The following CFAP61 variants were observed in gnomAD, a reference collection of about 807,000 sequenced individuals.
CFAP61 encodes the protein cilia and flagella associated protein 61, also known as cilia- and flagella-associated protein 61.
A neutral mutation model predicts 135.6 loss-of-function variants in CFAP61; 107 were observed. The observed-to-expected ratio is 0.79, with a 90% CI of 0.67 to 0.93. The LOEUF (loss-of-function observed/expected upper bound fraction) is 0.93. Among genes scored for constraint, CFAP61 ranks in the 40% least tolerant of loss-of-function variants. The pLI is 0.00. For synonymous variants in CFAP61, 575 were observed against 578.5 expected, an observed-to-expected ratio of 0.99 and a Z score of 0.09; for missense variants, 1,507 against 1,556.2, an observed-to-expected ratio of 0.97 and a Z score of 0.53.
At chr20:20,085,234 A>T in intron 6 of CFAP61, 1 of 985,400 alleles carries the variant, frequency 1.0e-6, no homozygotes, top group Non-Finnish European at 1.2e-6. Flanking sequence ...GGCAGCGCTC[A>T]TTGCCTCAGA....
chr20:20,122,148 T>TTTG (rs150838690), intron 8 of CFAP61, among the ~76,000 whole-genome samples: 14,045 of 149,872 alleles, frequency 0.094, 1,371 homozygotes, highest in East Asian at 0.57. Context: ...GTCATTCTTT[T>TTTG]TTGTTGTTGT....
chr20:20,294,554 T>A (rs983612064), intron 24 of CFAP61, among the ~76,000 whole-genome samples: 1 of 152,192 alleles, frequency 6.6e-6, no homozygotes, highest in Non-Finnish European at 1.5e-5. Context: ...CTCATTTCTG[T>A]AAGGCCCTGT....
intron 7 of CFAP61, among the ~76,000 whole-genome samples, chr20:20,098,362 C>T (rs2047736771): frequency 6.6e-6 from 1 of 152,016 alleles, no homozygotes; most frequent in African/African-American, 2.4e-5. Context: ...GTAATCCCAG[C>T]ACTTTGGGAG....
intron 25 of CFAP61, among the ~76,000 whole-genome samples, chr20:20,302,719 C>T (rs1220874906): frequency 1.3e-5 from 2 of 152,094 alleles, no homozygotes; most frequent in East Asian, 3.9e-4. Flanking sequence ...TTGCCCCATT[C>T]TTAATTTGAA....
chr20:20,148,296 A>G (rs1406454170), intron 9 of CFAP61, among the ~76,000 whole-genome samples: 1 of 152,210 alleles, frequency 6.6e-6, no homozygotes, highest in East Asian at 1.9e-4. Context: ...AAGAATGACG[A>G]TAGTATTTTC....
intron 8 of CFAP61, among the ~76,000 whole-genome samples, chr20:20,112,484 T>C (rs557172725): frequency 1.3e-5 from 2 of 152,290 alleles, no homozygotes; most frequent in African/African-American, 4.8e-5. Flanking sequence ...TCCTAATTAA[T>C]TTTTGATATC....
chr20:20,211,172 G>A (rs1469711343), intron 17 of CFAP61, among the ~76,000 whole-genome samples: 1 of 152,216 alleles, frequency 6.6e-6, no homozygotes, highest in Admixed American at 6.5e-5. Context: ...TGGCATTTGA[G>A]TTCATCAGAG....
chr20:20,226,064 TAGCATATAAAAAAC>T (rs1410335305), intron 17 of CFAP61: 1 of 152,220 alleles, frequency 6.6e-6, no homozygotes, highest in East Asian at 1.9e-4. Context: ...AAGTTTTCAG[TAGCATATAAAAAAC>T]AAACTGGCCT....
At chr20:20,066,642 A>G (rs2045293328) in intron 2 of CFAP61, among the ~76,000 whole-genome samples, 1 of 152,166 alleles carries the variant, frequency 6.6e-6, no homozygotes, top group South Asian at 2.1e-4. Flanking sequence ...ACACATGGAC[A>G]CAGGGAGGGG....
intron 6 of CFAP61, among the ~76,000 whole-genome samples, chr20:20,080,283 A>G (rs1227365942): frequency 6.6e-6 from 1 of 152,080 alleles, no homozygotes; most frequent in Non-Finnish European, 1.5e-5. Context: ...TGTTAATTAT[A>G]TTTTTCACTT....
intron 25 of CFAP61, among the ~76,000 whole-genome samples, chr20:20,339,819 A>G (rs1030278773): frequency 1.3e-5 from 2 of 152,182 alleles, no homozygotes; most frequent in East Asian, 3.8e-4. Flanking sequence ...TCTTCCTAAC[A>G]TTCTTGTATC....
At chr20:20,288,406 A>G (rs2054749791) in intron 22 of CFAP61, among the ~76,000 whole-genome samples, 1 of 152,220 alleles carries the variant, frequency 6.6e-6, no homozygotes, top group Admixed American at 6.5e-5. Flanking sequence ...TGAGTGAATA[A>G]GAGTGACATT....
intron 26 of CFAP61, among the ~76,000 whole-genome samples, chr20:20,345,973 C>A (rs1203889882): frequency 7.5e-6 from 1 of 133,198 alleles, no homozygotes. Flanking sequence ...GCAATCTCGG[C>A]TCACTGCAAG....
chr20:20,331,368 A>G (rs567984354), intron 25 of CFAP61, among the ~76,000 whole-genome samples: 1 of 152,176 alleles, frequency 6.6e-6, no homozygotes. Context: ...AAATCCTAAG[A>G]GTGACAAAAA....
chr20:20,284,141 A>G (rs1015704544), intron 22 of CFAP61, among the ~76,000 whole-genome samples: 2 of 152,110 alleles, frequency 1.3e-5, no homozygotes, highest in Admixed American at 6.5e-5. Context: ...TAGGTCTACC[A>G]TTTTATTATT....
In CFAP61 at chr20:20,289,086, A is replaced by C. The variant is rs139575732; in HGVS notation, c.3124+150A>C. The C allele has an allele frequency of 3.5e-4, 209 of 597,174 alleles. No individual in the cohort carries two copies. The African/African-American group carries it at 3.6e-3, about 10-fold the overall frequency. 37.0% of individuals were successfully genotyped at this position (597,174 alleles called of 1,614,324 possible). A position where few individuals can be genotyped will look rare whatever the true frequency, so the allele number is the denominator to read the frequency against. Reference sequence around the variant, plus strand: ...CACAGAGACAGAGAAAGGGTCTATAATTTCTGAAGCATTTATTACAAACCT... The same window carrying C: ...CACAGAGACAGAGAAAGGGTCTATACTTTCTGAAGCATTTATTACAAACCT... On this transcript the variant is annotated intron_variant, in intron 23 of 26. Transcript: ENST00000245957.
chr20:20,136,357 G>A (rs577501968), intron 8 of CFAP61, among the ~76,000 whole-genome samples: 1 of 152,104 alleles, frequency 6.6e-6, no homozygotes, highest in South Asian at 2.1e-4. Flanking sequence ...TTCTTTAAGG[G>A]CAATAACTCT....
At chr20:20,235,141 C>A (rs1156251865) in intron 18 of CFAP61, among the ~76,000 whole-genome samples, 1 of 152,152 alleles carries the variant, frequency 6.6e-6, no homozygotes, top group Non-Finnish European at 1.5e-5. Context: ...CTGCATCTGA[C>A]TCCTGGTGAG....
intron 9 of CFAP61, among the ~76,000 whole-genome samples, chr20:20,155,352 A>G (rs569451795): frequency 6.6e-6 from 1 of 152,234 alleles, no homozygotes; most frequent in African/African-American, 2.4e-5. Context: ...AAACTCTTCT[A>G]GACATTGGCT....
Sources: allele counts gnomAD v4.1 joint callset (sites outside exome capture counted in the v4.1 genomes callset), GRCh38; gene constraint gnomAD v4.1.1; transcripts MANE v1.5; gene names NCBI Gene and HGNC (gene_info 2026-07-23, HGNC 2026-07-21).